The following PIP5K1B variants were observed in gnomAD, a reference collection of about 807,000 sequenced individuals.
PIP5K1B encodes the protein phosphatidylinositol-4-phosphate 5-kinase type 1 beta, also known as phosphatidylinositol 4-phosphate 5-kinase type-1 beta.
A neutral mutation model predicts 67.0 loss-of-function variants in PIP5K1B; 42 were observed. That is an observed-to-expected ratio of 0.63 (90% CI 0.49 to 0.81). The LOEUF is 0.81. PIP5K1B is among the 30% of genes least tolerant of loss of function. PIP5K1B has a pLI of 0.00. For missense variants in PIP5K1B, 459 were observed against 646.3 expected, an observed-to-expected ratio of 0.71 and a Z score of 3.14; for synonymous variants, 214 against 231.4, an observed-to-expected ratio of 0.92 and a Z score of 0.68.
At chr9:68,924,393 C>T (rs1387012393) in intron 12 of PIP5K1B, among the ~76,000 whole-genome samples, 10 of 117,318 alleles carry the variant, frequency 8.5e-5, no homozygotes, top group Admixed American at 3.1e-4. Context: ...CAGAGTGACA[C>T]TGCGCCTCAA....
intron 1 of PIP5K1B, among the ~76,000 whole-genome samples, chr9:68,733,627 C>CTTTTT (rs35759487): frequency 5.3e-5 from 3 of 56,522 alleles, no homozygotes; most frequent in African/African-American, 7.9e-5. Flanking sequence ...TACTTAGACT[C>CTTTTT]TTTTTTTTTT....
At chr9:68,881,957 G>A (rs1448251294) in intron 6 of PIP5K1B, among the ~76,000 whole-genome samples, 3 of 152,172 alleles carry the variant, frequency 2.0e-5, no homozygotes, top group African/African-American at 7.2e-5. Flanking sequence ...ACTATCGGGG[G>A]AAGAAATGGC....
At chr9:68,724,814 A>G (rs1332711915) in intron 1 of PIP5K1B, among the ~76,000 whole-genome samples, 1 of 152,188 alleles carries the variant, frequency 6.6e-6, no homozygotes, top group Non-Finnish European at 1.5e-5. Flanking sequence ...GTCTTGTTCC[A>G]GATCTTAGTG....
chr9:68,849,630 T>G (rs1355617561), intron 4 of PIP5K1B, among the ~76,000 whole-genome samples: 7 of 152,236 alleles, frequency 4.6e-5, no homozygotes. Context: ...CCTCCCAAAG[T>G]GCTGGGATTA....
intron 2 of PIP5K1B, among the ~76,000 whole-genome samples, chr9:68,763,555 A>C (rs1375862330): frequency 6.6e-6 from 1 of 152,148 alleles, no homozygotes; most frequent in Non-Finnish European, 1.5e-5. Context: ...ATTCTGTGCT[A>C]AGGAGTTTTG....
At chr9:69,006,430 A>G (rs956507225) in intron 15 of PIP5K1B, among the ~76,000 whole-genome samples, 2 of 152,096 alleles carry the variant, frequency 1.3e-5, no homozygotes, top group Non-Finnish European at 2.9e-5. Context: ...CCCTTCACAC[A>G]TTCTGAGATT....
At chr9:68,925,742 A>T (rs557166049) in intron 12 of PIP5K1B, among the ~76,000 whole-genome samples, 1 of 147,136 alleles carries the variant, frequency 6.8e-6, no homozygotes, top group Non-Finnish European at 1.5e-5. Flanking sequence ...ATAGACTATA[A>T]GATAGTGTTT....
At chr9:68,995,568 G>T (rs535533896) in intron 15 of PIP5K1B, among the ~76,000 whole-genome samples, 1 of 152,302 alleles carries the variant, frequency 6.6e-6, no homozygotes, top group East Asian at 1.9e-4. Flanking sequence ...CACTTTGGGA[G>T]GCCGAGGCGG....
rs577424729 is a variant in PIP5K1B at position 68,926,686 on chromosome 9, C to T, written c.1201+3300C>T. Among the ~76,000 whole-genome samples the T allele has an allele frequency of 1.4e-3, 208 of 152,282 alleles. 2 individuals are homozygous for T. Among genetic ancestry groups the T allele is most frequent in the African/African-American group, 4.8e-3 (200 of 41,558 alleles). The stretch of plus-strand genomic sequence containing the variant: ...TCCTGGGTTCAAGTGATTCTCCTTT[C>T]TTAGCCTCCCAAATAGCTGGGATTA... On this transcript the variant is annotated intron_variant, in intron 12 of 15. Transcript: ENST00000265382.
intron 2 of PIP5K1B, chr9:68,779,943 C>G (rs1457559054): frequency 3.8e-6 from 2 of 521,286 alleles, no homozygotes; most frequent in African/African-American, 2.0e-5. Flanking sequence ...GGCCCGACCA[C>G]TCCTCGCCCC....
chr9:68,806,070 G>C (rs1005985112), intron 2 of PIP5K1B, among the ~76,000 whole-genome samples: 1 of 152,198 alleles, frequency 6.6e-6, no homozygotes, highest in Non-Finnish European at 1.5e-5. Flanking sequence ...GACCTGAAAA[G>C]TCACTTGACT....
intron 2 of PIP5K1B, chr9:68,780,331 C>G (rs1241124395): frequency 1.9e-6 from 3 of 1,606,118 alleles, no homozygotes; most frequent in Non-Finnish European, 2.6e-6. Flanking sequence ...GCCGAGGCGC[C>G]GAGCGCCAGG....
chr9:68,793,748 A>G (rs1832132202), intron 2 of PIP5K1B, among the ~76,000 whole-genome samples: 1 of 152,184 alleles, frequency 6.6e-6, no homozygotes. Flanking sequence ...TGGAGGCATC[A>G]AGTAAGCAGT....
intron 2 of PIP5K1B, chr9:68,789,048 A>G: frequency 2.1e-6 from 1 of 475,686 alleles, no homozygotes. Context: ...AGCATCAATC[A>G]TCCCCTGGGT....
intron 14 of PIP5K1B, among the ~76,000 whole-genome samples, chr9:68,965,193 TGAG>T (rs1442474837): frequency 7.1e-6 from 1 of 140,344 alleles, no homozygotes; most frequent in Admixed American, 7.7e-5. Context: ...AAGATTATTG[TGAG>T]GATGAGATAA....
intron 15 of PIP5K1B, among the ~76,000 whole-genome samples, chr9:69,000,018 C>A (rs1463975239): frequency 2.0e-5 from 3 of 152,164 alleles, no homozygotes; most frequent in Non-Finnish European, 4.4e-5. Context: ...CCAGCTCCAC[C>A]ACCTTTCAAG....
At chr9:68,898,688 C>T (rs979196359) in intron 8 of PIP5K1B, among the ~76,000 whole-genome samples, 2 of 152,122 alleles carry the variant, frequency 1.3e-5, no homozygotes, top group Admixed American at 6.5e-5. Context: ...AGATCTGCAC[C>T]CTGAAGCTAC....
intron 14 of PIP5K1B, among the ~76,000 whole-genome samples, chr9:68,967,607 C>T (rs570492042): frequency 1.3e-5 from 2 of 152,268 alleles, no homozygotes; most frequent in South Asian, 4.1e-4. Context: ...ATTTATCGAG[C>T]CTCTACCCTC....
chr9:68,864,013 C>A, intron 5 of PIP5K1B, 46 bp downstream of exon 5: 1 of 1,585,936 alleles, frequency 6.3e-7, no homozygotes. Flanking sequence ...AAGGAACCTT[C>A]TTTGTGACAA....
Sources: gnomAD v4.1 joint callset for allele counts (sites outside exome capture counted in the v4.1 genomes callset) on GRCh38, gnomAD v4.1.1 for gene constraint, MANE v1.5 for transcripts, NCBI Gene and HGNC (gene_info 2026-07-23, HGNC 2026-07-21) for gene names.